The following PHOSPHO1 variants were observed in gnomAD, a reference collection of about 807,000 sequenced individuals.
The protein encoded by PHOSPHO1 is phosphoethanolamine/phosphocholine phosphatase 1, also known as phosphoethanolamine/phosphocholine phosphatase.
PHOSPHO1 carries 6 observed loss-of-function variants against 17.7 expected under a neutral mutation model. That is an observed-to-expected ratio of 0.34 (90% confidence interval 0.19 to 0.67). PHOSPHO1 has a LOEUF of 0.67. Ranked by LOEUF, PHOSPHO1 falls within the 30% of genes least tolerant of loss-of-function variation. The probability of loss-of-function intolerance (pLI) is 0.69; values close to 1 mark genes in which losing one functional copy is unlikely to be tolerated. For missense variants in PHOSPHO1, 330 were observed against 392.1 expected, an observed-to-expected ratio of 0.84 and a Z score of 1.34; for synonymous variants, 159 against 174.6, an observed-to-expected ratio of 0.91 and a Z score of 0.71.
At chr17:49,229,184 C>T (rs1237445511) in intron 1 of PHOSPHO1, 1 of 152,128 alleles carries the variant, frequency 6.6e-6, no homozygotes, top group Admixed American at 6.6e-5. Flanking sequence ...TCGTCCCCAC[C>T]CCACAGGAGT....
At chr17:49,229,677 C>T (rs1301425460) in intron 1 of PHOSPHO1, among the ~76,000 whole-genome samples, 6 of 152,150 alleles carry the variant, frequency 3.9e-5, no homozygotes, top group Admixed American at 3.9e-4. Flanking sequence ...AACAAGCCCT[C>T]TCTGTCCAAA....
intron 2 of PHOSPHO1, chr17:49,225,233 T>C (rs2043341191): frequency 7.1e-7 from 1 of 1,417,542 alleles, no homozygotes; most frequent in Admixed American, 3.0e-5. Context: ...CTTAGTTAAC[T>C]GCAGTGGGGT....
chr17:49,224,519 C>T lies in PHOSPHO1; in HGVS notation c.531G>A (p.Lys177=). ...SCARCPANMC[K]HKVLSDYLRE... ...GCAGGTAGTCGCTGAGCACCTTGTGCTTGCACATGTTGGCGGGGCAGCGCG... is the reference window on the plus strand; with the variant it reads ...GCAGGTAGTCGCTGAGCACCTTGTGTTTGCACATGTTGGCGGGGCAGCGCG... The change falls in exon 3 of 3, where the codon AAG becomes AAA. Residue 177 remains lysine (K), a synonymous_variant. Coordinates refer to ENST00000310544, the MANE Select transcript of PHOSPHO1 (RefSeq NM_178500.4). 1 of 1,578,462 alleles carries T rather than the reference C, an allele frequency of 6.3e-7. No individual in the cohort carries two copies.
Position 49,224,938 on chromosome 17 carries a change from C to A in PHOSPHO1, c.112G>T (p.Val38Leu). The A allele has an allele frequency of 1.3e-6, 2 of 1,589,136 alleles. No homozygotes were observed. Among genetic ancestry groups the A allele is most frequent in the Non-Finnish European group, 1.7e-6 (2 of 1,168,810 alleles). ...ATCGAATCGTCGCTGTTTTCGTCCACGATAGTCTCGTCGAAGTCGAAGGTC... is the reference window on the plus strand; with the variant it reads ...ATCGAATCGTCGCTGTTTTCGTCCAAGATAGTCTCGTCGAAGTCGAAGGTC... ...LLTFDFDETI[V>L]DENSDDSIVR... is the part of the protein sequence containing the mutation. Residue 38 changes from valine to leucine, a missense_variant, in exon 3 of 3, where the codon GTG becomes TTG. Transcript: ENST00000310544.
intron 2 of PHOSPHO1, chr17:49,225,520 T>C (rs1039495623): frequency 6.1e-5 from 75 of 1,222,000 alleles, no homozygotes; most frequent in Middle Eastern, 2.3e-4. Context: ...CATTCTCCTT[T>C]TGGGCCATGG....
chr17:49,229,771 A>G (rs573857039), intron 1 of PHOSPHO1, among the ~76,000 whole-genome samples: 7 of 152,296 alleles, frequency 4.6e-5, no homozygotes, highest in Non-Finnish European at 1.0e-4. Flanking sequence ...AGTGCTCCCA[A>G]ACATGACCAT....
At position 49,224,516 on chromosome 17, in the gene PHOSPHO1, G is replaced by A. The variant is rs1455354282; in HGVS notation, c.534C>T (p.His178=). The A allele has an allele frequency of 1.9e-6, 3 of 1,578,450 alleles. No individual in the cohort carries two copies. The highest frequency in any genetic ancestry group is 1.7e-6 in the Non-Finnish European group (2 of 1,165,344). Residue 178 remains histidine (H), a synonymous_variant, in exon 3 of 3, where the codon CAC becomes CAT. Coordinates refer to ENST00000310544, the MANE Select transcript of PHOSPHO1 (RefSeq NM_178500.4). The part of the protein sequence containing the change: ...CARCPANMCK[H]KVLSDYLRER... The stretch of plus-strand genomic sequence containing the variant: ...CGCGCAGGTAGTCGCTGAGCACCTT[G>A]TGCTTGCACATGTTGGCGGGGCAGC...
Position 49,224,098 on chromosome 17 carries a change from C to T in PHOSPHO1, c.*148G>A. 8.0e-7 allele frequency: 1 copy of T among 1,251,540 alleles called. No individual in the cohort carries two copies. Among genetic ancestry groups the T allele is most frequent in the South Asian group, 1.6e-5 (1 of 62,050 alleles). The allele number at this position is 1,251,540 out of a possible 1,614,324, so 77.5% of individuals were successfully genotyped here. ...TAGGGACGGCTCTGAGCCCCCTTCC[C>T]CAAGCCCCCAAATACGAGATTCCAG... On this transcript the variant is annotated 3_prime_UTR_variant, in exon 3 of 3. Transcript: ENST00000310544.
chr17:49,225,608 CG>C (rs1567889180), intron 2 of PHOSPHO1: 1 of 1,292,138 alleles, frequency 7.7e-7, no homozygotes, highest in East Asian at 5.5e-5. Context: ...ACAGCTTCTT[CG>C]GGGAGTTTTA....
rs749091979 is a variant in PHOSPHO1, at chr17:49,224,662, C to T, written c.388G>A (p.Glu130Lys). 5.9e-5 allele frequency: 94 copies of T among 1,587,824 alleles called. 1 individual carries two copies. The highest frequency in any genetic ancestry group is 7.0e-5 in the Admixed American group (4 of 57,266). Residue 130 changes from glutamate (E) to lysine (K), a missense_variant, in exon 3 of 3, where the codon GAG (glutamate) becomes AAG (lysine). Physicochemically the swap from Glu to Lys is moderately conservative, Grantham distance 56 (BLOSUM62 1). Coordinates refer to ENST00000310544, the MANE Select transcript of PHOSPHO1 (RefSeq NM_178500.4). ...TGGCCGGCGGCGCGCAGCGAGCTCT[C>T]CACGCCAAAGGTGTTGGCATCGGAG... ...LISDANTFGV[E>K]SSLRAAGHHS...
chr17:49,229,781 T>C (rs2043394742), intron 1 of PHOSPHO1, among the ~76,000 whole-genome samples: 1 of 152,084 alleles, frequency 6.6e-6, no homozygotes, highest in Non-Finnish European at 1.5e-5. Context: ...AACATGACCA[T>C]CTTCCTTGCT....
rs1423338994 is a variant in PHOSPHO1, at chr17:49,224,136, G to A, written c.*110C>T. On this transcript the variant is annotated 3_prime_UTR_variant, in exon 3 of 3. Coordinates refer to ENST00000310544, the MANE Select transcript of PHOSPHO1 (RefSeq NM_178500.4). The stretch of plus-strand genomic sequence containing the variant: ...TACGAGATTCCAGAAATTCCCAGAG[G>A]GACATAACAAAGCCAAAGGGAAAAG... 1.2e-5 allele frequency: 16 copies of A among 1,383,640 alleles called. No individual in the cohort carries two copies. The highest frequency in any genetic ancestry group is 1.5e-5 in the Non-Finnish European group (16 of 1,053,230). 85.7% of individuals were successfully genotyped at this position (1,383,640 alleles called of 1,614,324 possible).
At chr17:49,229,274 A>C (rs539701221) in intron 1 of PHOSPHO1, 13 of 152,200 alleles carry the variant, frequency 8.5e-5, no homozygotes, top group African/African-American at 3.1e-4. Context: ...CTTTGTTCTG[A>C]GTCATCAAAT....
At chr17:49,225,370 TGG>T in intron 2 of PHOSPHO1, 1 of 985,412 alleles carries the variant, frequency 1.0e-6, no homozygotes, top group Non-Finnish European at 1.2e-6. Context: ...GTTTCTGGAC[TGG>T]ACTGTTTTGG....
intron 2 of PHOSPHO1, 49 bp from the exon 3 acceptor site, chr17:49,225,053 C>T (rs1346877052): frequency 1.5e-5 from 22 of 1,449,516 alleles, no homozygotes; most frequent in Non-Finnish European, 1.9e-5. Context: ...AGGGGGCAAG[C>T]GAGAGGGGGC....
At chr17:49,225,531 G>A in intron 2 of PHOSPHO1, 1 of 1,214,760 alleles carries the variant, frequency 8.2e-7, no homozygotes, top group Non-Finnish European at 1.0e-6. Flanking sequence ...TGGGCCATGG[G>A]GAATCTATGG....
At chr17:49,225,240 G>T in intron 2 of PHOSPHO1, 1 of 1,416,730 alleles carries the variant, frequency 7.1e-7, no homozygotes, top group South Asian at 1.6e-5. Flanking sequence ...AACTGCAGTG[G>T]GGTTTATGCC....
rs58785634 is a variant in PHOSPHO1, at chr17:49,226,395, C to T, written c.45+252G>A. 1.4e-3 allele frequency among the ~76,000 whole-genome samples: 212 copies of T among 152,286 alleles called. 2 individuals are homozygous for T. The highest frequency in any genetic ancestry group is 4.8e-3 in the African/African-American group (201 of 41,560). ...CCAAGCTGTCCCTTCCACCTCATCCCTAGAGTCACCCTCTGGTCTCATCAA... is the reference window on the plus strand; with the variant it reads ...CCAAGCTGTCCCTTCCACCTCATCCTTAGAGTCACCCTCTGGTCTCATCAA... On this transcript the variant is annotated intron_variant, in intron 2 of 2. Coordinates refer to ENST00000310544, the MANE Select transcript of PHOSPHO1 (RefSeq NM_178500.4).
chr17:49,224,225 C>G lies in PHOSPHO1; in HGVS notation c.*21G>C. On this transcript the variant is annotated 3_prime_UTR_variant, in exon 3 of 3. Coordinates refer to ENST00000310544, the MANE Select transcript of PHOSPHO1 (RefSeq NM_178500.4). ...GCCCCCTCCGCCGTTGGCCCGGGTA[C>G]CCCCCTGCAGGCGGCCAGACTCAGC... 6.5e-7 allele frequency: 1 copy of G among 1,536,944 alleles called. No individual in the cohort carries two copies. Among genetic ancestry groups the G allele is most frequent in the South Asian group, 1.2e-5 (1 of 83,158 alleles).
Sources: gnomAD v4.1 joint callset for allele counts (sites outside exome capture counted in the v4.1 genomes callset) on GRCh38, gnomAD v4.1.1 for gene constraint, MANE v1.5 for transcripts, NCBI Gene and HGNC (gene_info 2026-07-23, HGNC 2026-07-21) for gene names.